The following CEMIP variants were observed in gnomAD, a reference collection of about 807,000 sequenced individuals.
CEMIP encodes cell migration-inducing and hyaluronan-binding protein.
In CEMIP, 105 loss-of-function variants were observed where a neutral mutation model predicts 156.9. The observed-to-expected ratio is 0.67, with a 90% CI of 0.57 to 0.79. The LOEUF is 0.79. CEMIP is among the 30% of genes least tolerant of loss of function. CEMIP has a pLI of 0.00. For missense variants in CEMIP, 1,457 were observed against 1,769.4 expected (o/e 0.82, Z 3.17); for synonymous variants, 676 against 668.4 (o/e 1.01, Z -0.17).
At chr15:80,834,064 C>T (rs1177139852) in intron 1 of CEMIP, among the ~76,000 whole-genome samples, 2 of 152,172 alleles carry the variant, frequency 1.3e-5, no homozygotes, top group Non-Finnish European at 2.9e-5. Context: ...CCTTGGCCTT[C>T]ATCCACTAGG....
chr15:80,920,694 T>C (rs1900440302), intron 15 of CEMIP, among the ~76,000 whole-genome samples: 1 of 152,180 alleles, frequency 6.6e-6, no homozygotes, highest in African/African-American at 2.4e-5. Context: ...CTCTGTGCAG[T>C]CAGCCTTCCA....
chr15:80,813,722 A>C (rs1204139775), intron 1 of CEMIP, among the ~76,000 whole-genome samples: 1 of 152,228 alleles, frequency 6.6e-6, no homozygotes, highest in East Asian at 1.9e-4. Flanking sequence ...GTCCAATGGC[A>C]AGTGGAACAG....
chr15:80,946,189 A>G (rs1901546873), intron 28 of CEMIP: 1 of 152,284 alleles, frequency 6.6e-6, no homozygotes, highest in Non-Finnish European at 1.5e-5. Flanking sequence ...AAACCTGGCC[A>G]TGCTCTTCCT....
intron 1 of CEMIP, among the ~76,000 whole-genome samples, chr15:80,836,402 G>T (rs184497123): frequency 6.6e-6 from 1 of 152,256 alleles, no homozygotes; most frequent in East Asian, 1.9e-4. Context: ...CCAGTGTCTG[G>T]CATCCCTGCG....
At chr15:80,891,770 G>A (rs902658814) in intron 10 of CEMIP, among the ~76,000 whole-genome samples, 6 of 152,158 alleles carry the variant, frequency 3.9e-5, no homozygotes, top group Non-Finnish European at 8.8e-5. Flanking sequence ...CCTAATTCTC[G>A]CCACCAATCT....
chr15:80,905,869 G>A (rs1899779208), intron 12 of CEMIP, among the ~76,000 whole-genome samples: 3 of 152,098 alleles, frequency 2.0e-5, no homozygotes, highest in African/African-American at 7.2e-5. Context: ...CCAGAGGAAG[G>A]GTGGGGGATG....
At chr15:80,861,403 C>T (rs1473453794) in intron 1 of CEMIP, among the ~76,000 whole-genome samples, 3 of 152,152 alleles carry the variant, frequency 2.0e-5, no homozygotes, top group African/African-American at 7.2e-5. Context: ...ATGAATGAAC[C>T]CTGCACTACG....
In CEMIP at chr15:80,900,630, GTGTGTGTGTGTGTGTGTGTC is replaced by G. The variant is rs1567090873; in HGVS notation, c.1411+4582_1411+4601del. ...TGTGTGTGTGTGTGTGTGTGTGTGT[GTGTGTGTGTGTGTGTGTGTC>G]TGTGTGTGTGTCTGTGTGTGTGTGT... On this transcript the variant is annotated intron_variant, in intron 12 of 29. Coordinates refer to ENST00000394685, the MANE Select transcript of CEMIP (RefSeq NM_001293298.2). 3.0e-3 allele frequency among the ~76,000 whole-genome samples: 386 copies of G among 129,386 alleles called. 2 individuals are homozygous for G. The highest frequency in any genetic ancestry group is 3.9e-3 in the Non-Finnish European group (216 of 55,338). 84.9% of individuals were successfully genotyped at this position (129,386 alleles called of 152,430 possible). A position where few individuals can be genotyped will look rare whatever the true frequency, so the allele number is the denominator to read the frequency against.
In CEMIP at chr15:80,893,079, C is replaced by T. The variant is rs146648980; in HGVS notation, c.1087-1911C>T. Among the ~76,000 whole-genome samples the T allele has an allele frequency of 1.3e-3, 190 of 151,960 alleles. 1 individual carries two copies. The highest frequency in any genetic ancestry group is 4.3e-3 in the African/African-American group (179 of 41,460). On this transcript the variant is annotated intron_variant, in intron 10 of 29. Coordinates refer to ENST00000394685, the MANE Select transcript of CEMIP (RefSeq NM_001293298.2). ...GCGGGCACCTGTAATCCCAGCTACT[C>T]GGGAGGCTGAGGCAGAAGAATCGCT...
At chr15:80,917,404 C>T (rs539496942) in intron 14 of CEMIP, among the ~76,000 whole-genome samples, 21 of 152,294 alleles carry the variant, frequency 1.4e-4, no homozygotes, top group African/African-American at 4.6e-4. Flanking sequence ...GCCTTGGCAT[C>T]CTCCTCTGTA....
In CEMIP at chr15:80,906,634, T is replaced by C; in HGVS notation, c.1412-29T>C. Reference sequence around the variant, plus strand: ...CTCAGTGGGCATGCAGTACCTGCTGTTGTTTACCGTCCTCCCTTTCTGCCC... The same window carrying C: ...CTCAGTGGGCATGCAGTACCTGCTGCTGTTTACCGTCCTCCCTTTCTGCCC... On this transcript the variant is annotated intron_variant, in intron 12 of 29. Coordinates refer to ENST00000394685, the MANE Select transcript of CEMIP (RefSeq NM_001293298.2). This position sits in a 1 kb window ranked among gnomAD's most constrained non-coding sequence, Gnocchi z 4.3. 6.3e-7 allele frequency: 1 copy of C among 1,599,354 alleles called. No homozygotes were observed. The highest frequency in any genetic ancestry group is 8.5e-7 in the Non-Finnish European group (1 of 1,171,312).
At position 80,871,195 on chromosome 15, in the gene CEMIP, CAT is replaced by C. The variant is rs1213589481; in HGVS notation, c.-175-2342_-175-2341del. ...CACTTCAATGGAATGTTTCTTGGGA[CAT>C]GTGTCTTCAGGCACTGGAAGCCACT... On this transcript the variant is annotated intron_variant, in intron 1 of 29. Coordinates refer to ENST00000394685, the MANE Select transcript of CEMIP (RefSeq NM_001293298.2). 2.0e-5 allele frequency among the ~76,000 whole-genome samples: 3 copies of C among 152,204 alleles called. No homozygotes were observed. In the East Asian group the frequency reaches 5.8e-4, roughly 29 times the overall value.
intron 1 of CEMIP, among the ~76,000 whole-genome samples, chr15:80,793,746 C>T (rs1255369092): frequency 6.6e-6 from 1 of 152,168 alleles, no homozygotes; most frequent in Non-Finnish European, 1.5e-5. Context: ...TATAGTATCT[C>T]CCAGACGTGT....
chr15:80,852,993 C>T (rs977460862), intron 1 of CEMIP, among the ~76,000 whole-genome samples: 20 of 152,146 alleles, frequency 1.3e-4, no homozygotes, highest in Non-Finnish European at 2.8e-4. Flanking sequence ...CCTGTCCAGC[C>T]CTGGGATACC....
At chr15:80,793,186 G>C (rs777794090) in intron 1 of CEMIP, among the ~76,000 whole-genome samples, 4 of 152,096 alleles carry the variant, frequency 2.6e-5, no homozygotes, top group Non-Finnish European at 5.9e-5. Context: ...AAATTTGAAG[G>C]GCACAAACTC....
At chr15:80,827,870 G>GT (rs1471178558) in intron 1 of CEMIP, among the ~76,000 whole-genome samples, 1 of 152,142 alleles carries the variant, frequency 6.6e-6, no homozygotes, top group African/African-American at 2.4e-5. Context: ...CAGTTTATCA[G>GT]TTTGGCATTC....
At chr15:80,853,231 G>A (rs111601680) in intron 1 of CEMIP, among the ~76,000 whole-genome samples, 28 of 152,300 alleles carry the variant, frequency 1.8e-4, no homozygotes, top group Non-Finnish European at 3.4e-4. Context: ...GAGAAACCAA[G>A]TTGAGCTACA....
At chr15:80,842,647 G>A (rs1262446171) in intron 1 of CEMIP, among the ~76,000 whole-genome samples, 2 of 152,122 alleles carry the variant, frequency 1.3e-5, no homozygotes, top group African/African-American at 2.4e-5. Context: ...CAGGAGAATC[G>A]CTTGAACCTG....
intron 1 of CEMIP, among the ~76,000 whole-genome samples, chr15:80,835,650 A>G (rs1897256219): frequency 6.6e-6 from 1 of 152,248 alleles, no homozygotes; most frequent in Admixed American, 6.5e-5. Context: ...TATTTTGTTC[A>G]TTACAGATTG....
Sources: gnomAD v4.1 joint callset for allele counts (sites outside exome capture counted in the v4.1 genomes callset) on GRCh38, gnomAD v4.1.1 for gene constraint, Gnocchi (gnomAD v3.1) non-coding constraint, MANE v1.5 for transcripts, NCBI Gene and HGNC (gene_info 2026-07-23, HGNC 2026-07-21) for gene names.